The following ZNF678 variants were observed in gnomAD, a reference collection of about 807,000 sequenced individuals.
The protein encoded by ZNF678 is hypothetical protein MGC42493.
A neutral mutation model predicts 3.0 loss-of-function variants in ZNF678; 5 were observed. The observed-to-expected ratio is 1.69, with a 90% CI of 0.88 to 3.56. The LOEUF (loss-of-function observed/expected upper bound fraction) is 3.56. Among genes scored for constraint, ZNF678 ranks in the 30% most tolerant of loss-of-function variants. The pLI is 0.00. For missense variants in ZNF678, 593 were observed against 605.0 expected (o/e 0.98, Z 0.21); for synonymous variants, 218 against 199.6 (o/e 1.09, Z -0.78).
At chr1:227,640,177 G>A (rs943444694) in intron 1 of ZNF678, among the ~76,000 whole-genome samples, 1 of 152,180 alleles carries the variant, frequency 6.6e-6, no homozygotes, top group Non-Finnish European at 1.5e-5. Context: ...GGGGCATAAG[G>A]TGGTGGGATG....
At chr1:227,667,153 C>T (rs753550954), downstream of ZNF678, among the ~76,000 whole-genome samples, 7 of 152,024 alleles carry the variant, frequency 4.6e-5, no homozygotes, top group Non-Finnish European at 7.4e-5. Flanking sequence ...AAGCGATCCT[C>T]CTTCCTCAGC....
Position 227,612,500 on chromosome 1 carries a change from G to A in ZNF678, c.-163-34044G>A, listed in dbSNP as rs535266153. On this transcript the variant is annotated intron_variant, in intron 1 of 3. Coordinates refer to ENST00000343776, the MANE Select transcript of ZNF678 (RefSeq NM_001367909.1). ...GCCACATGGTCTATTTTTATTCACCGTGTCTAGACTCACACCAGTAAGATC... is the reference window on the plus strand; with the variant it reads ...GCCACATGGTCTATTTTTATTCACCATGTCTAGACTCACACCAGTAAGATC... Among the ~76,000 whole-genome samples, 17 of 152,192 alleles carry A rather than the reference G, an allele frequency of 1.1e-4. No individual in the cohort carries two copies. In the South Asian group the frequency reaches 1.2e-3, roughly 11 times the overall value.
At chr1:227,641,301 T>G (rs191876085) in intron 1 of ZNF678, among the ~76,000 whole-genome samples, 1 of 152,304 alleles carries the variant, frequency 6.6e-6, no homozygotes, top group Non-Finnish European at 1.5e-5. Flanking sequence ...ACATGCTGTT[T>G]TAATGAGCGC....
chr1:227,644,648 C>A (rs966403702), intron 1 of ZNF678, among the ~76,000 whole-genome samples: 1 of 152,126 alleles, frequency 6.6e-6, no homozygotes, highest in African/African-American at 2.4e-5. Flanking sequence ...AGTTAATAGA[C>A]CTCTTCCAAA....
At chr1:227,621,246 A>G (rs1438981919) in intron 1 of ZNF678, among the ~76,000 whole-genome samples, 1 of 152,100 alleles carries the variant, frequency 6.6e-6, no homozygotes, top group East Asian at 1.9e-4. Flanking sequence ...ATTCTGCCTT[A>G]AAAAAAAGTT....
At chr1:227,625,060 C>T (rs1658373803) in intron 1 of ZNF678, among the ~76,000 whole-genome samples, 1 of 152,190 alleles carries the variant, frequency 6.6e-6, no homozygotes, top group East Asian at 1.9e-4. Flanking sequence ...CAATCATTGT[C>T]CCTCCCCCTG....
intron 1 of ZNF678, among the ~76,000 whole-genome samples, chr1:227,643,843 A>ATTTTC (rs1311593071): frequency 6.1e-4 from 83 of 136,322 alleles, no homozygotes; most frequent in Middle Eastern, 3.9e-3. Flanking sequence ...TATTTTATAT[A>ATTTTC]TTTTCTTTTC....
chr1:227,583,920 G>C (rs941601884), intron 1 of ZNF678, among the ~76,000 whole-genome samples: 1 of 152,150 alleles, frequency 6.6e-6, no homozygotes, highest in African/African-American at 2.4e-5. Context: ...ATGGCCCAGA[G>C]ACCCATGCAT....
Position 227,661,446 on chromosome 1 carries a change from A to T in ZNF678, c.*5618A>T, listed in dbSNP as rs893427259. The T allele has an allele frequency of 1.2e-4, 19 of 152,156 alleles. No individual in the cohort carries two copies. The highest frequency in any genetic ancestry group is 4.6e-4 in the African/African-American group (19 of 41,446). The allele number at this position is 152,156 out of a possible 1,614,324, so 9.4% of individuals were successfully genotyped here. A position where few individuals can be genotyped will look rare whatever the true frequency, so the allele number is the denominator to read the frequency against. ...GATATGCTTTTCCCAACAATAAGGG[A>T]CATGAGTCATTGGGGCATGTTACAG... On this transcript the variant is annotated 3_prime_UTR_variant, in exon 4 of 4. Transcript: ENST00000343776.
rs932601541 is a variant in ZNF678 at position 227,565,641 on chromosome 1, T to C, written c.-164+1917T>C. ...CAGAGAATAACCTCTTGGCACTCTA[T>C]TGTAAAGAAATATTTGTGCCACTCT... is the stretch of plus-strand genomic sequence containing the variant. On this transcript the variant is annotated intron_variant, in intron 1 of 3. Transcript: ENST00000343776. Among the ~76,000 whole-genome samples the C allele has an allele frequency of 1.1e-3, 162 of 152,396 alleles. 1 individual carries two copies. Among genetic ancestry groups the C allele is most frequent in the African/African-American group, 3.6e-3 (149 of 41,600 alleles).
At chr1:227,663,535 C>G (rs567738428), downstream of ZNF678, among the ~76,000 whole-genome samples, 1 of 152,322 alleles carries the variant, frequency 6.6e-6, no homozygotes. Context: ...TTTGTAAACA[C>G]TTCCCTCATA....
intron 1 of ZNF678, among the ~76,000 whole-genome samples, chr1:227,618,139 G>C (rs1024757748): frequency 6.6e-6 from 1 of 152,194 alleles, no homozygotes; most frequent in Non-Finnish European, 1.5e-5. Flanking sequence ...GAGTTGCCTT[G>C]TGTTACCTTT....
chr1:227,614,689 T>C (rs1658101402), intron 1 of ZNF678, among the ~76,000 whole-genome samples: 1 of 152,164 alleles, frequency 6.6e-6, no homozygotes, highest in South Asian at 2.1e-4. Context: ...CCAGCTCAGA[T>C]CTTCCCAGTC....
chr1:227,676,371 CAT>C (rs985051833), intron 5 of ZNF678, among the ~76,000 whole-genome samples: 8 of 152,126 alleles, frequency 5.3e-5, no homozygotes. Context: ...ATCCCAGAAA[CAT>C]ACAGGGAAAC....
intron 1 of ZNF678, among the ~76,000 whole-genome samples, chr1:227,572,538 T>C (rs912299800): frequency 1.3e-5 from 2 of 152,178 alleles, no homozygotes; most frequent in Non-Finnish European, 2.9e-5. Context: ...GGCCACTGCC[T>C]GGTGGGGAAG....
At chr1:227,597,073 T>C (rs1331515077) in intron 1 of ZNF678, among the ~76,000 whole-genome samples, 1 of 152,210 alleles carries the variant, frequency 6.6e-6, no homozygotes, top group African/African-American at 2.4e-5. Flanking sequence ...TACCACTTCA[T>C]TGAGAAAATC....
Position 227,657,222 on chromosome 1 carries a change from T to G in ZNF678, c.*1394T>G, listed in dbSNP as rs1369049387. ...AAACAAAAACAAACAAACAAAAAAC[T>G]GATATTCCTCTTGCTTTGTCTTTTG... is the stretch of plus-strand genomic sequence containing the variant. On this transcript the variant is annotated 3_prime_UTR_variant, in exon 4 of 4. Coordinates refer to ENST00000343776, the MANE Select transcript of ZNF678 (RefSeq NM_001367909.1). 6.6e-6 allele frequency: 1 copy of G among 151,934 alleles called. No homozygotes were observed. The highest frequency in any genetic ancestry group is 1.5e-5 in the Non-Finnish European group (1 of 67,896). The allele number at this position is 151,934 out of a possible 1,614,324, so 9.4% of individuals were successfully genotyped here.
chr1:227,621,247 A>G (rs1270371292), intron 1 of ZNF678, among the ~76,000 whole-genome samples: 1 of 152,208 alleles, frequency 6.6e-6, no homozygotes, highest in Non-Finnish European at 1.5e-5. Flanking sequence ...TTCTGCCTTA[A>G]AAAAAAGTTT....
At chr1:227,621,601 G>T (rs1658281887) in intron 1 of ZNF678, among the ~76,000 whole-genome samples, 1 of 152,232 alleles carries the variant, frequency 6.6e-6, no homozygotes, top group African/African-American at 2.4e-5. Flanking sequence ...TGATGAGGTT[G>T]TGTAGAACCT....
Sources: gnomAD v4.1 joint callset for allele counts (sites outside exome capture counted in the v4.1 genomes callset) on GRCh38, gnomAD v4.1.1 for gene constraint, MANE v1.5 for transcripts, NCBI Gene and HGNC (gene_info 2026-07-23, HGNC 2026-07-21) for gene names.